Variants in DNAJC7 observed in about 807,000 individuals in gnomAD.
DNAJC7 encodes the protein dnaJ homolog subfamily C member 7.
Under a neutral mutation model 67.4 loss-of-function variants are expected in DNAJC7, and 18 were observed. The ratio of observed to expected loss-of-function variants is 0.27; its 90% CI spans 0.18 to 0.40. DNAJC7 has a LOEUF of 0.40. Among genes scored for constraint, DNAJC7 ranks in the 10% least tolerant of loss-of-function variants. DNAJC7 has a pLI of 1.00. For missense variants in DNAJC7, 419 were observed against 613.8 expected (o/e 0.68, Z 3.35); for synonymous variants, 220 against 207.8 (o/e 1.06, Z -0.50).
Position 41,976,779 on chromosome 17 carries a change from G to A in DNAJC7, c.1448-9C>T, listed in dbSNP as rs782112991. ...ATTCCCTGGACCAGATGCTGAAAGA[G>A]AAAAGAGGGGTTGGTAGTTGGCTAT... On this transcript the variant is annotated splice_polypyrimidine_tract_variant and intron_variant, in intron 13 of 13. Coordinates refer to ENST00000457167, the MANE Select transcript of DNAJC7 (RefSeq NM_003315.4). 1.9e-6 allele frequency: 3 copies of A among 1,609,708 alleles called. No individual in the cohort carries two copies. The highest frequency in any genetic ancestry group is 1.7e-5 in the Admixed American group (1 of 57,834).
intron 4 of DNAJC7, among the ~76,000 whole-genome samples, chr17:41,995,955 T>C (rs1322748653): frequency 6.6e-6 from 1 of 152,184 alleles, no homozygotes; most frequent in Non-Finnish European, 1.5e-5. Context: ...GGTAGGTGCA[T>C]GGCACCAGGC....
In DNAJC7 at chr17:41,994,874, C is replaced by T. The variant is rs2051614218; in HGVS notation, c.476G>A (p.Arg159Gln). The change falls in exon 5 of 14, where the codon CGG becomes CAG. Residue 159 changes from arginine to glutamine, a missense_variant. Arg to Gln is a conservative substitution (Grantham distance 43). This residue lies in a region of DNAJC7 where 179 missense variants were observed against 249.7 expected (regional missense o/e 0.72). Coordinates refer to ENST00000457167, the MANE Select transcript of DNAJC7 (RefSeq NM_003315.4). ...AETDFEKRDF[R>Q]KVVFCMDRAL... ...TATCTCATGGTTGTACTGTACCTTC[C>T]GAAAATCTCGCTTCTCAAAATCTGT... is the stretch of plus-strand genomic sequence containing the variant. The T allele has an allele frequency of 7.4e-6, 12 of 1,613,792 alleles. No homozygotes were observed. The highest frequency in any genetic ancestry group is 1.3e-5 in the African/African-American group (1 of 75,004).
chr17:41,992,276 A>C (rs2051529049), intron 5 of DNAJC7, among the ~76,000 whole-genome samples: 1 of 151,820 alleles, frequency 6.6e-6, no homozygotes, highest in Non-Finnish European at 1.5e-5. Flanking sequence ...GGGTTCAAGC[A>C]ATTCTCCTGC....
At chr17:42,017,198 C>T (rs1378085869) in intron 1 of DNAJC7, 142 bp downstream of exon 1, 2 of 1,581,370 alleles carry the variant, frequency 1.3e-6, no homozygotes, top group African/African-American at 2.7e-5. Flanking sequence ...GGGGGTCCAT[C>T]CGGCCTTGAT....
Position 41,981,930 on chromosome 17 carries a change from T to C in DNAJC7, c.1309A>G (p.Ile437Val), listed in dbSNP as rs782380858. Residue 437 changes from isoleucine (I) to valine (V), a missense_variant, in exon 12 of 14, where the codon ATC becomes GTC. Transcript: ENST00000457167. ...KFKEVGEAFTILSDPKKKTRY... is the reference protein window; with the variant it reads ...KFKEVGEAFTVLSDPKKKTRY... ...GTCTTTTTCTTGGGATCAGAGAGGATAGTAAAGGCCTCTCCAACTTCCTTG... is the reference window on the plus strand; with the variant it reads ...GTCTTTTTCTTGGGATCAGAGAGGACAGTAAAGGCCTCTCCAACTTCCTTG... The C allele has an allele frequency of 4.3e-6, 7 of 1,614,008 alleles. No homozygotes were observed. In the South Asian group the frequency reaches 4.4e-5, roughly 10 times the overall value.
intron 1 of DNAJC7, among the ~76,000 whole-genome samples, chr17:42,004,230 T>A (rs1555649847): frequency 7.2e-5 from 11 of 152,134 alleles, no homozygotes. Context: ...GCTAGTAGGA[T>A]TAAAGGCGTC....
chr17:41,980,476 C>T (rs1393123397), intron 12 of DNAJC7, among the ~76,000 whole-genome samples: 1 of 152,208 alleles, frequency 6.6e-6, no homozygotes, highest in African/African-American at 2.4e-5. Context: ...ACCTCTGCCT[C>T]CTGGGCTCAA....
At chr17:41,981,729 G>C in intron 12 of DNAJC7, 126 bp downstream of exon 12, 1 of 1,325,698 alleles carries the variant, frequency 7.5e-7, no homozygotes, top group Non-Finnish European at 1.0e-6. Flanking sequence ...TTGACTCCAT[G>C]TCTATTACTG....
chr17:41,976,652 A>G lies in DNAJC7; in HGVS notation c.*81T>C, dbSNP rs1350606698. Reference sequence around the variant, plus strand: ...CTCTAAGCACACGGAGACGTGATGAAGGGAGGAGGTGAACTGTTTCCACAT... The same window carrying G: ...CTCTAAGCACACGGAGACGTGATGAGGGGAGGAGGTGAACTGTTTCCACAT... On this transcript the variant is annotated 3_prime_UTR_variant, in exon 14 of 14. Coordinates refer to ENST00000457167, the MANE Select transcript of DNAJC7 (RefSeq NM_003315.4). 2 of 1,553,918 alleles carry G rather than the reference A, an allele frequency of 1.3e-6. No individual in the cohort carries two copies. The highest frequency in any genetic ancestry group is 1.8e-6 in the Non-Finnish European group (2 of 1,141,950).
chr17:41,987,580 A>G (rs2051415454), intron 9 of DNAJC7: 4 of 478,760 alleles, frequency 8.4e-6, no homozygotes, highest in South Asian at 3.8e-5. Context: ...CAGGCATCAG[A>G]GGAAACTTAC....
chr17:41,995,985 T>A (rs2051646955), intron 4 of DNAJC7, among the ~76,000 whole-genome samples: 2 of 152,204 alleles, frequency 1.3e-5, no homozygotes. Flanking sequence ...GTAAAAAATT[T>A]TTTTGTGGAG....
intron 7 of DNAJC7, among the ~76,000 whole-genome samples, 185 bp from the exon 8 acceptor site, chr17:41,989,081 G>A (rs1221753549): frequency 6.6e-6 from 1 of 152,180 alleles, no homozygotes; most frequent in Non-Finnish European, 1.5e-5. Context: ...CAGGAAAAGA[G>A]TTACCAAAAA....
intron 5 of DNAJC7, 73 bp downstream of exon 5, chr17:41,994,797 A>G: frequency 7.5e-7 from 1 of 1,335,010 alleles, no homozygotes; most frequent in Non-Finnish European, 1.1e-6. Context: ...ACTCCTCTTA[A>G]TTATCACACA....
chr17:41,990,898 C>G (rs952455732), intron 5 of DNAJC7, among the ~76,000 whole-genome samples: 1 of 152,026 alleles, frequency 6.6e-6, no homozygotes, highest in Non-Finnish European at 1.5e-5. Flanking sequence ...TCTTGATCCT[C>G]GTGATCCGTC....
chr17:42,011,288 C>A (rs1273597302), intron 1 of DNAJC7: 1 of 152,220 alleles, frequency 6.6e-6, no homozygotes, highest in African/African-American at 2.4e-5. Context: ...CTAAACTAAT[C>A]CCTGATTGGC....
intron 12 of DNAJC7, among the ~76,000 whole-genome samples, chr17:41,979,852 T>C (rs2143100929): frequency 6.6e-6 from 1 of 150,766 alleles, no homozygotes; most frequent in East Asian, 2.0e-4. Flanking sequence ...TCCCAGCTAC[T>C]CGGGAGGCTG....
intron 1 of DNAJC7, among the ~76,000 whole-genome samples, chr17:42,012,782 T>A (rs782109536): frequency 1.3e-5 from 2 of 152,138 alleles, no homozygotes; most frequent in African/African-American, 4.8e-5. Context: ...CCAACTAATA[T>A]ATCTTTTATT....
chr17:42,005,092 C>T (rs542721571), intron 1 of DNAJC7, among the ~76,000 whole-genome samples: 3 of 152,180 alleles, frequency 2.0e-5, no homozygotes, highest in Admixed American at 1.3e-4. Context: ...AATAAATGTT[C>T]GTTAAAATCT....
chr17:41,984,243 G>A (rs1165740607), intron 9 of DNAJC7: 1 of 152,070 alleles, frequency 6.6e-6, no homozygotes, highest in African/African-American at 2.4e-5. Context: ...CAAAAGAAAG[G>A]AGGGGCCCTT....
Sources: gnomAD v4.1 joint callset for allele counts (sites outside exome capture counted in the v4.1 genomes callset) on GRCh38, gnomAD v4.1.1 for gene constraint, gnomAD v4.1.1 regional missense constraint, MANE v1.5 for transcripts, NCBI Gene and HGNC (gene_info 2026-07-23, HGNC 2026-07-21) for gene names.